ADIPOR2: variants seen among roughly 807,000 people sequenced by gnomAD.
ADIPOR2 encodes adiponectin receptor protein 2.
ADIPOR2 carries 18 observed loss-of-function variants against 40.9 expected under a neutral mutation model. The ratio of observed to expected loss-of-function variants is 0.44; its 90% CI spans 0.30 to 0.65. The LOEUF (loss-of-function observed/expected upper bound fraction) is 0.65. Ranked by LOEUF, ADIPOR2 falls within the 30% of genes least tolerant of loss-of-function variation. ADIPOR2 has a pLI of 0.09. For missense variants in ADIPOR2, 283 were observed against 479.2 expected (o/e 0.59, Z 3.82); for synonymous variants, 165 against 166.4 (o/e 0.99, Z 0.06).
In ADIPOR2 at chr12:1,729,980, C is replaced by T. The variant is rs183771903; in HGVS notation, c.-86-24278C>T. 4.6e-5 allele frequency among the ~76,000 whole-genome samples: 7 copies of T among 151,846 alleles called. No individual in the cohort carries two copies. The East Asian group carries it at 9.7e-4, about 21-fold the overall frequency. ...TTATTTCATGATCCTTAGCCAAGAA[C>T]GAAGGCATACCGGAAGGGAACACAC... On this transcript the variant is annotated intron_variant, in intron 1 of 7. Coordinates refer to ENST00000357103, the MANE Select transcript of ADIPOR2 (RefSeq NM_024551.3).
At chr12:1,734,633 A>G (rs1158895151) in intron 1 of ADIPOR2, among the ~76,000 whole-genome samples, 3 of 151,618 alleles carry the variant, frequency 2.0e-5, no homozygotes, top group African/African-American at 4.8e-5. Context: ...CCATTTGTCA[A>G]TTTTGGCCAT....
In ADIPOR2 at chr12:1,778,179, C is replaced by T. The variant is rs149883154; in HGVS notation, c.463+154C>T. The T allele has an allele frequency of 5.5e-4, 474 of 857,386 alleles. 2 individuals are homozygous for T. The African/African-American group carries it at 7.3e-3, about 13-fold the overall frequency. 53.1% of individuals were successfully genotyped at this position (857,386 alleles called of 1,614,324 possible). On this transcript the variant is annotated intron_variant, in intron 4 of 7. Coordinates refer to ENST00000357103, the MANE Select transcript of ADIPOR2 (RefSeq NM_024551.3). Reference sequence around the variant, plus strand: ...TGATGAATTTTCTGACTGGTTTACTCGTAGTTTATCCTGGTTTGCACTATG... The same window carrying T: ...TGATGAATTTTCTGACTGGTTTACTTGTAGTTTATCCTGGTTTGCACTATG...
intron 1 of ADIPOR2, chr12:1,696,397 T>TC (rs2094638941): frequency 1.4e-5 from 2 of 142,926 alleles, no homozygotes; most frequent in South Asian, 4.6e-4. Context: ...CTTTTTTCCT[T>TC]CTTTTTTTTT....
intron 1 of ADIPOR2, among the ~76,000 whole-genome samples, chr12:1,694,573 T>A (rs189641638): frequency 7.6e-4 from 116 of 152,344 alleles, no homozygotes; most frequent in Non-Finnish European, 1.5e-3. Context: ...CAAATACAGA[T>A]GCTATATTAA....
chr12:1,762,017 ATTC>A (rs1307981944), intron 2 of ADIPOR2, among the ~76,000 whole-genome samples: 2 of 152,200 alleles, frequency 1.3e-5, no homozygotes, highest in African/African-American at 4.8e-5. Context: ...ATTTCAGGAC[ATTC>A]TTCTCCATGT....
intron 1 of ADIPOR2, among the ~76,000 whole-genome samples, chr12:1,698,307 G>A (rs537886345): frequency 1.3e-5 from 2 of 151,950 alleles, no homozygotes; most frequent in African/African-American, 4.8e-5. Flanking sequence ...GCACAATCAC[G>A]GCTCACTGCC....
chr12:1,753,665 T>G (rs11609176), intron 1 of ADIPOR2, among the ~76,000 whole-genome samples: 12 of 152,212 alleles, frequency 7.9e-5, no homozygotes, highest in Non-Finnish European at 1.0e-4. Context: ...GTTTATTTTT[T>G]ATAAAGTATG....
At chr12:1,756,563 G>A (rs1862137965) in intron 2 of ADIPOR2, among the ~76,000 whole-genome samples, 1 of 151,544 alleles carries the variant, frequency 6.6e-6, no homozygotes, top group Non-Finnish European at 1.5e-5. Context: ...TCAGAGAACA[G>A]ATTATACAGG....
At position 1,784,032 on chromosome 12, in the gene ADIPOR2, C is replaced by T. The variant is rs1862780177; in HGVS notation, c.991C>T (p.Arg331Trp). The change falls in exon 7 of 8, where the codon CGG becomes TGG. Residue 331 changes from arginine to tryptophan, a missense_variant. Transcript: ENST00000357103. ...YITGAALYAARIPERFFPGKC... is the reference protein window; with the variant it reads ...YITGAALYAAWIPERFFPGKC... ...CACAGGAGCTGCCCTGTATGCTGCC[C>T]GGATCCCCGAACGCTTTTTCCCTGG... 2 of 1,604,796 alleles carry T rather than the reference C, an allele frequency of 1.2e-6. No individual in the cohort carries two copies. Among genetic ancestry groups the T allele is most frequent in the Admixed American group, 1.7e-5 (1 of 58,756 alleles).
chr12:1,767,293 AAGAT>A (rs1862403471), intron 2 of ADIPOR2, among the ~76,000 whole-genome samples: 2 of 146,312 alleles, frequency 1.4e-5, no homozygotes, highest in African/African-American at 5.1e-5. Flanking sequence ...AAAAAAAAAA[AAGAT>A]AGAATTGCTA....
At chr12:1,756,436 C>T (rs1467452737) in intron 2 of ADIPOR2, among the ~76,000 whole-genome samples, 2 of 150,562 alleles carry the variant, frequency 1.3e-5, no homozygotes, top group African/African-American at 4.9e-5. Context: ...AAGCGTGAGC[C>T]ACTGTGCCTG....
intron 2 of ADIPOR2, among the ~76,000 whole-genome samples, chr12:1,772,471 G>C (rs1377167727): frequency 6.6e-6 from 1 of 152,054 alleles, no homozygotes; most frequent in Non-Finnish European, 1.5e-5. Context: ...ATCACAGTTA[G>C]TTATTTTATG....
chr12:1,730,567 A>T (rs1565640922), intron 1 of ADIPOR2, among the ~76,000 whole-genome samples: 2 of 147,904 alleles, frequency 1.4e-5, no homozygotes, highest in Non-Finnish European at 3.0e-5. Flanking sequence ...CAGTGAGCCG[A>T]GATAGTGCTA....
intron 2 of ADIPOR2, among the ~76,000 whole-genome samples, chr12:1,767,754 T>G (rs1329945676): frequency 6.6e-6 from 1 of 152,194 alleles, no homozygotes; most frequent in African/African-American, 2.4e-5. Flanking sequence ...TTACAGGGTT[T>G]TGGGGTCTGG....
At chr12:1,750,052 C>G in intron 1 of ADIPOR2, among the ~76,000 whole-genome samples, 1 of 151,812 alleles carries the variant, frequency 6.6e-6, no homozygotes, top group South Asian at 2.1e-4. Flanking sequence ...AGGCTGGTCT[C>G]AAACTCCTGG....
chr12:1,767,755 T>TG (rs1231374069), intron 2 of ADIPOR2, among the ~76,000 whole-genome samples: 2 of 152,216 alleles, frequency 1.3e-5, no homozygotes, highest in African/African-American at 4.8e-5. Context: ...TACAGGGTTT[T>TG]GGGGTCTGGT....
chr12:1,703,206 G>A (rs2154441460), intron 1 of ADIPOR2, among the ~76,000 whole-genome samples: 1 of 152,318 alleles, frequency 6.6e-6, no homozygotes, highest in East Asian at 1.9e-4. Context: ...GTTGTGACAT[G>A]AAAATGCCTA....
At chr12:1,698,205 ATT>A (rs2094643082) in intron 1 of ADIPOR2, among the ~76,000 whole-genome samples, 1 of 115,546 alleles carries the variant, frequency 8.7e-6, no homozygotes, top group South Asian at 2.9e-4. Flanking sequence ...GTCTTGGCTG[ATT>A]GTGTGTGTGT....
In ADIPOR2 at chr12:1,787,816, G is replaced by A. The variant is rs1194829712; in HGVS notation, c.*1744G>A. 1 of 152,302 alleles carries A rather than the reference G, an allele frequency of 6.6e-6. No individual in the cohort carries two copies. The highest frequency in any genetic ancestry group is 1.5e-5 in the Non-Finnish European group (1 of 68,052). 9.4% of individuals were successfully genotyped at this position (152,302 alleles called of 1,614,324 possible). A position where few individuals can be genotyped will look rare whatever the true frequency, so the allele number is the denominator to read the frequency against. ...TTGCCCTTGCAATCTCCAGCAAAAG[G>A]TGGGATCTAGGAAGAAAGAATCCAG... On this transcript the variant is annotated 3_prime_UTR_variant, in exon 8 of 8. Coordinates refer to ENST00000357103, the MANE Select transcript of ADIPOR2 (RefSeq NM_024551.3).
Sources: gnomAD v4.1 joint callset for allele counts (sites outside exome capture counted in the v4.1 genomes callset) on GRCh38, gnomAD v4.1.1 for gene constraint, MANE v1.5 for transcripts, NCBI Gene and HGNC (gene_info 2026-07-23, HGNC 2026-07-21) for gene names.